SIRPD: variants seen among roughly 807,000 people sequenced by gnomAD.
The protein encoded by SIRPD is signal regulatory protein delta, also known as signal-regulatory protein delta.
SIRPD carries 21 observed loss-of-function variants against 18.0 expected under a neutral mutation model. The observed-to-expected ratio is 1.17, with a 90% CI of 0.83 to 1.68. The LOEUF is 1.68. Ranked by LOEUF, SIRPD falls within the 40% of genes most tolerant of loss-of-function variation. SIRPD has a pLI of 0.00. For synonymous variants in SIRPD, 106 were observed against 92.9 expected (o/e 1.14, Z -0.81); for missense variants, 295 against 238.4 (o/e 1.24, Z -1.56).
intron 2 of SIRPD, among the ~76,000 whole-genome samples, chr20:1,538,987 C>T (rs1050669630): frequency 5.3e-5 from 8 of 152,166 alleles, no homozygotes; most frequent in Admixed American, 3.3e-4. Context: ...AACTAGACAG[C>T]ACCCTTGGCA....
At chr20:1,555,330 G>A (rs1420189916) in intron 1 of SIRPD, among the ~76,000 whole-genome samples, 1 of 152,334 alleles carries the variant, frequency 6.6e-6, no homozygotes, top group Admixed American at 6.5e-5. Context: ...ACCAGGGTCT[G>A]GGGTGGTGGA....
Position 1,557,625 on chromosome 20 carries a change from G to A in SIRPD, c.29C>T (p.Pro10Leu). 1 of 1,607,898 alleles carries A rather than the reference G, an allele frequency of 6.2e-7. No individual in the cohort carries two copies. The highest frequency in any genetic ancestry group is 8.5e-7 in the Non-Finnish European group (1 of 1,176,974). Residue 10 changes from proline to leucine, a missense_variant, in exon 1 of 4, where the codon CCA (proline) becomes CTA (leucine). Coordinates refer to ENST00000381623, the MANE Select transcript of SIRPD (RefSeq NM_178460.3). The part of the protein sequence containing the change: MPIPASPLH[P>L]PLPSLLLYLL... ...ATACAGCAGTAAGGAAGGCAGAGGT[G>A]GGTGGAGTGGGGAGGCAGGGATGGG...
intron 3 of SIRPD, 63 bp downstream of exon 3, chr20:1,537,092 G>T (rs866324914): frequency 3.8e-6 from 6 of 1,569,478 alleles, no homozygotes; most frequent in Non-Finnish European, 4.3e-6. Context: ...TGGCGAAATG[G>T]TACCGCCGCC....
intron 2 of SIRPD, among the ~76,000 whole-genome samples, chr20:1,551,448 G>A (rs2091018588): frequency 6.6e-6 from 1 of 152,102 alleles, no homozygotes; most frequent in South Asian, 2.1e-4. Context: ...TAGTCATGGG[G>A]GTGGATTAAA....
chr20:1,556,052 A>G (rs2091039820), intron 1 of SIRPD, among the ~76,000 whole-genome samples: 1 of 152,260 alleles, frequency 6.6e-6, no homozygotes, highest in South Asian at 2.1e-4. Flanking sequence ...TCTCACAGGC[A>G]GTTTGCAACA....
Position 1,557,609 on chromosome 20 carries a change from T to C in SIRPD, c.45A>G (p.Leu15=), listed in dbSNP as rs2091047522. The C allele has an allele frequency of 1.3e-6, 2 of 1,599,836 alleles. No homozygotes were observed. The highest frequency in any genetic ancestry group is 1.1e-5 in the South Asian group (1 of 88,978). The part of the protein sequence containing the change: ...ASPLHPPLPS[L]LLYLLLELAG... Reference sequence around the variant, plus strand: ...CCAGTTCAAGCAGCAGATACAGCAGTAAGGAAGGCAGAGGTGGGTGGAGTG... The same window carrying C: ...CCAGTTCAAGCAGCAGATACAGCAGCAAGGAAGGCAGAGGTGGGTGGAGTG... The change falls in exon 1 of 4, where the codon TTA becomes TTG. Residue 15 remains leucine (L), a synonymous_variant. Transcript: ENST00000381623.
At chr20:1,537,820 G>A (rs540770397) in intron 2 of SIRPD, among the ~76,000 whole-genome samples, 2 of 152,204 alleles carry the variant, frequency 1.3e-5, no homozygotes, top group Non-Finnish European at 2.9e-5. Context: ...CAAGGAGTTC[G>A]ATCTTGGGAG....
intron 1 of SIRPD, among the ~76,000 whole-genome samples, chr20:1,556,076 C>T (rs2123158942): frequency 6.6e-6 from 1 of 152,326 alleles, no homozygotes; most frequent in South Asian, 2.1e-4. Flanking sequence ...CTCCTTGCTT[C>T]TTTAAGGCCA....
intron 2 of SIRPD, among the ~76,000 whole-genome samples, chr20:1,538,462 A>G (rs2090956937): frequency 6.6e-6 from 1 of 152,092 alleles, no homozygotes; most frequent in Non-Finnish European, 1.5e-5. Flanking sequence ...TGACTGCAAC[A>G]AGGTCCCTCT....
intron 2 of SIRPD, among the ~76,000 whole-genome samples, chr20:1,547,117 C>A (rs1363288903): frequency 6.6e-6 from 1 of 152,142 alleles, no homozygotes. Flanking sequence ...AGATTTATCC[C>A]TATGTTTTAT....
At chr20:1,554,199 G>C (rs148542727) in intron 1 of SIRPD, 1 of 152,802 alleles carries the variant, frequency 6.5e-6, no homozygotes, top group East Asian at 1.9e-4. Flanking sequence ...TCTGGGGACA[G>C]AGCAGACATA....
At position 1,551,504 on chromosome 20, in the gene SIRPD, C is replaced by A. The variant is rs73569178; in HGVS notation, c.421+187G>T. On this transcript the variant is annotated intron_variant, in intron 2 of 3. Transcript: ENST00000381623. ...TAGCTCTTATCACTCATCACTCAACCTTTTCAAGTCTTTTTTTCTTCCTGT... is the reference window on the plus strand; with the variant it reads ...TAGCTCTTATCACTCATCACTCAACATTTTCAAGTCTTTTTTTCTTCCTGT... Among the ~76,000 whole-genome samples the A allele has an allele frequency of 9.1e-3, 1,393 of 152,292 alleles. 22 individuals are homozygous for A. The highest frequency in any genetic ancestry group is 0.033 in the African/African-American group (1,359 of 41,562).
At chr20:1,536,672 A>G (rs2090946916) in intron 3 of SIRPD, among the ~76,000 whole-genome samples, 1 of 152,172 alleles carries the variant, frequency 6.6e-6, no homozygotes, top group South Asian at 2.1e-4. Flanking sequence ...ACTTGTTGTT[A>G]TCTATCTACC....
intron 2 of SIRPD, chr20:1,540,198 C>A (rs1000220917): frequency 2.5e-5 from 11 of 431,892 alleles, no homozygotes; most frequent in African/African-American, 2.3e-4. Flanking sequence ...GCCAGGGATG[C>A]TGGCAGCAAA....
chr20:1,538,600 TC>T (rs2090957784), intron 2 of SIRPD, among the ~76,000 whole-genome samples: 1 of 152,160 alleles, frequency 6.6e-6, no homozygotes, highest in Non-Finnish European at 1.5e-5. Context: ...CCATAATAAT[TC>T]CCTGCATTTC....
intron 3 of SIRPD, among the ~76,000 whole-genome samples, chr20:1,534,942 A>C (rs909890084): frequency 6.6e-6 from 1 of 152,242 alleles, no homozygotes; most frequent in Non-Finnish European, 1.5e-5. Flanking sequence ...CAAAAGAAAC[A>C]ATCAGACAAG....
intron 2 of SIRPD, among the ~76,000 whole-genome samples, chr20:1,537,679 G>T (rs1422600259): frequency 1.3e-5 from 2 of 152,134 alleles, no homozygotes; most frequent in Non-Finnish European, 2.9e-5. Context: ...CGGGAATGGG[G>T]CTTCACAGGT....
chr20:1,557,576 C>T lies in SIRPD; in HGVS notation c.73+5G>A, dbSNP rs763985951. ...ACCACACACATACACTGAGGCCCCA[C>T]TCACCTGCCAGTTCAAGCAGCAGAT... On this transcript the variant is annotated splice_donor_5th_base_variant and intron_variant, in intron 1 of 3. Coordinates refer to ENST00000381623, the MANE Select transcript of SIRPD (RefSeq NM_178460.3). 1.3e-6 allele frequency: 2 copies of T among 1,564,714 alleles called. No individual in the cohort carries two copies. Among genetic ancestry groups the T allele is most frequent in the Admixed American group, 1.8e-5 (1 of 54,550 alleles).
intron 1 of SIRPD, among the ~76,000 whole-genome samples, chr20:1,556,829 T>G (rs2091043293): frequency 2.0e-5 from 3 of 152,194 alleles, no homozygotes; most frequent in Admixed American, 1.3e-4. Flanking sequence ...ATTTTGAATA[T>G]CTAGTCTCCA....
Sources: gnomAD v4.1 joint callset for allele counts (sites outside exome capture counted in the v4.1 genomes callset) on GRCh38, gnomAD v4.1.1 for gene constraint, MANE v1.5 for transcripts, NCBI Gene and HGNC (gene_info 2026-07-23, HGNC 2026-07-21) for gene names.